Variants in CADM1 observed in about 807,000 individuals in gnomAD.
CADM1 encodes the protein cell adhesion molecule 1.
Under a neutral mutation model 53.1 loss-of-function variants are expected in CADM1, and 15 were observed. The observed-to-expected ratio is 0.28, with a 90% confidence interval of 0.19 to 0.44. CADM1 has a LOEUF of 0.44. Among genes scored for constraint, CADM1 ranks in the 20% least tolerant of loss-of-function variants. CADM1 has a pLI of 1.00. For synonymous variants in CADM1, 281 were observed against 243.0 expected (o/e 1.16, Z -1.45); for missense variants, 434 against 611.3 (o/e 0.71, Z 3.06).
intron 1 of CADM1, among the ~76,000 whole-genome samples, chr11:115,405,830 C>CATGG (rs1179944811): frequency 6.6e-6 from 1 of 152,062 alleles, no homozygotes; most frequent in African/African-American, 2.4e-5. Context: ...CTGAAATGGA[C>CATGG]ATGGGATTGA....
chr11:115,200,316 A>C (rs1307860851), intron 8 of CADM1, among the ~76,000 whole-genome samples: 31 of 152,350 alleles, frequency 2.0e-4, no homozygotes, highest in Non-Finnish European at 1.3e-4. Context: ...GAAACATCCA[A>C]GTGCAGCATT....
At chr11:115,221,138 T>G (rs934299219) in intron 5 of CADM1, among the ~76,000 whole-genome samples, 1 of 152,182 alleles carries the variant, frequency 6.6e-6, no homozygotes, top group Non-Finnish European at 1.5e-5. Flanking sequence ...CCAAGTGCAA[T>G]AACTGCCCAG....
In CADM1 at chr11:115,231,439, C is replaced by T. The variant is rs761496869; in HGVS notation, c.476G>A (p.Gly159Asp). 6.2e-7 allele frequency: 1 copy of T among 1,614,006 alleles called. No individual in the cohort carries two copies. Among genetic ancestry groups the T allele is most frequent in the South Asian group, 1.1e-5 (1 of 91,074 alleles). ...IDIQKDTAVE[G>D]EEIEVNCTAM... is the part of the protein sequence containing the mutation. ...AGTGCAGTTGACTTCAATCTCCTCA[C>T]CTTCCACCGCAGTGTCTTTCTGGAT... Residue 159 changes from glycine (G) to aspartate (D), a missense_variant, in exon 4 of 12, where the codon GGT (glycine) becomes GAT (aspartate). Around this residue, in one of 4 missense-constraint regions of CADM1, gnomAD observed 311 missense variants for 435.1 expected, o/e 0.71. Transcript: ENST00000331581.
intron 3 of CADM1, 69 bp from the exon 4 acceptor site, chr11:115,231,559 A>G: frequency 7.0e-7 from 1 of 1,428,294 alleles, no homozygotes. Context: ...CAAAAAGGAG[A>G]AAAACAGTAG....
chr11:115,366,851 C>T (rs2105981), intron 1 of CADM1, among the ~76,000 whole-genome samples: 6 of 152,154 alleles, frequency 3.9e-5, no homozygotes, highest in South Asian at 2.1e-4. Flanking sequence ...ACCTTTACCC[C>T]TAAAGTCATC....
At chr11:115,465,154 T>G (rs763566160) in intron 1 of CADM1, among the ~76,000 whole-genome samples, 1 of 152,176 alleles carries the variant, frequency 6.6e-6, no homozygotes, top group African/African-American at 2.4e-5. Flanking sequence ...ATTTTTATTG[T>G]GAAATAATTA....
At chr11:115,291,198 T>C (rs960646846) in intron 1 of CADM1, among the ~76,000 whole-genome samples, 3 of 152,084 alleles carry the variant, frequency 2.0e-5, no homozygotes, top group African/African-American at 4.8e-5. Context: ...GGATGTGTGT[T>C]CCAGGAAATG....
intron 8 of CADM1, among the ~76,000 whole-genome samples, chr11:115,204,469 T>A (rs908755366): frequency 9.2e-5 from 14 of 152,202 alleles, no homozygotes; most frequent in African/African-American, 3.4e-4. Flanking sequence ...CATCGTGCTG[T>A]ACATATTATG....
intron 8 of CADM1, among the ~76,000 whole-genome samples, chr11:115,203,909 TA>T (rs1940556268): frequency 1.3e-5 from 2 of 152,192 alleles, no homozygotes; most frequent in African/African-American, 2.4e-5. Context: ...AATGGACACA[TA>T]CTTTTTGGAG....
At chr11:115,432,804 CT>C (rs1180153145) in intron 1 of CADM1, among the ~76,000 whole-genome samples, 1 of 152,176 alleles carries the variant, frequency 6.6e-6, no homozygotes, top group Non-Finnish European at 1.5e-5. Flanking sequence ...AAACGAAAAT[CT>C]GTCCACACAA....
chr11:115,310,793 G>C (rs1394245338), intron 1 of CADM1, among the ~76,000 whole-genome samples: 1 of 152,118 alleles, frequency 6.6e-6, no homozygotes, highest in African/African-American at 2.4e-5. Flanking sequence ...ACAAATACCT[G>C]CTTCAATAAA....
At chr11:115,198,843 T>C (rs1411458447) in intron 8 of CADM1, among the ~76,000 whole-genome samples, 3 of 152,100 alleles carry the variant, frequency 2.0e-5, no homozygotes, top group Non-Finnish European at 4.4e-5. Context: ...AAACAATGGA[T>C]TCATAACATT....
At chr11:115,206,755 C>CTTTTTTTTTTTTTTTTTTTTTTT (rs1194703150) in intron 8 of CADM1, among the ~76,000 whole-genome samples, 1 of 5,430 alleles carries the variant, frequency 1.8e-4, no homozygotes, top group Non-Finnish European at 5.9e-4. Flanking sequence ...TGACTGTGGA[C>CTTTTTTTTTTTTTTTTTTTTTTT]TTCTTTTTTT....
chr11:115,446,320 T>A lies in CADM1; in HGVS notation c.124+57951A>T, dbSNP rs552584219. On this transcript the variant is annotated intron_variant, in intron 1 of 11. Coordinates refer to ENST00000331581, the MANE Select transcript of CADM1 (RefSeq NM_001301043.2). Reference sequence around the variant, plus strand: ...GCCTCATAACTACTAAGTTCTGAGGTGCTAAGATTCCAACCCTTTTGGGTC... The same window carrying A: ...GCCTCATAACTACTAAGTTCTGAGGAGCTAAGATTCCAACCCTTTTGGGTC... 4.7e-4 allele frequency among the ~76,000 whole-genome samples: 72 copies of A among 152,168 alleles called. 1 individual carries two copies. In the South Asian group the frequency reaches 0.015, roughly 31 times the overall value.
intron 1 of CADM1, among the ~76,000 whole-genome samples, chr11:115,372,295 C>T (rs1389337511): frequency 6.6e-6 from 1 of 152,156 alleles, no homozygotes; most frequent in Non-Finnish European, 1.5e-5. Flanking sequence ...ATTCTCACTT[C>T]CTTCTTCTAA....
intron 1 of CADM1, among the ~76,000 whole-genome samples, chr11:115,264,714 A>C (rs1466804873): frequency 1.3e-5 from 2 of 152,234 alleles, no homozygotes; most frequent in Non-Finnish European, 2.9e-5. Context: ...GTCATCTATA[A>C]AAATGGAAAT....
intron 1 of CADM1, among the ~76,000 whole-genome samples, chr11:115,418,157 T>G (rs1046418690): frequency 1.3e-5 from 2 of 152,182 alleles, no homozygotes; most frequent in African/African-American, 4.8e-5. Flanking sequence ...GAGAGAACAT[T>G]TGCCTTGCCC....
chr11:115,380,334 C>A (rs1565396906), intron 1 of CADM1, among the ~76,000 whole-genome samples: 1 of 152,204 alleles, frequency 6.6e-6, no homozygotes, highest in East Asian at 1.9e-4. Flanking sequence ...CCCTCGCATG[C>A]CAGTCCTGAT....
chr11:115,434,863 AT>A (rs71066429), intron 1 of CADM1, among the ~76,000 whole-genome samples: 1,501 of 128,702 alleles, frequency 0.012, 14 homozygotes, highest in Middle Eastern at 0.021. Flanking sequence ...TATTATTATT[AT>A]TTTTTTTTTT....
Sources: allele counts gnomAD v4.1 joint callset (sites outside exome capture counted in the v4.1 genomes callset), GRCh38; gene constraint gnomAD v4.1.1; regional missense constraint gnomAD v4.1.1; transcripts MANE v1.5; gene names NCBI Gene and HGNC (gene_info 2026-07-23, HGNC 2026-07-21).